Variants in TTC12 observed in about 807,000 individuals in gnomAD.
TTC12 encodes tetratricopeptide repeat protein 12.
Under a neutral mutation model 90.1 loss-of-function variants are expected in TTC12, and 70 were observed. The ratio of observed to expected loss-of-function variants is 0.78; its 90% CI spans 0.64 to 0.95. The LOEUF (loss-of-function observed/expected upper bound fraction) is 0.95, where lower values mean the gene tolerates loss of function less well. TTC12 is among the 40% of genes least tolerant of loss of function. The pLI, the probability that TTC12 is intolerant of heterozygous loss-of-function variation, is 0.00. For synonymous variants in TTC12, 296 were observed against 311.5 expected (o/e 0.95, Z 0.53); for missense variants, 819 against 846.1 (o/e 0.97, Z 0.40).
In TTC12 at chr11:113,344,269, C is replaced by T; in HGVS notation, c.986-3C>T. ...CAAGACACACAACCTCTGTGTTTTG[C>T]AGAGGAAAACCAGCGTGTGCTAGTG... On this transcript the variant is annotated splice_region_variant and splice_polypyrimidine_tract_variant and intron_variant, in intron 12 of 21. Transcript: ENST00000529221. 3 of 1,608,356 alleles carry T rather than the reference C, an allele frequency of 1.9e-6. No individual in the cohort carries two copies. The African/African-American group carries it at 4.0e-5, about 21-fold the overall frequency.
At chr11:113,344,170 T>C (rs1031120136) in intron 12 of TTC12, 102 bp from the exon 13 acceptor site, 109 of 1,290,760 alleles carry the variant, frequency 8.4e-5, no homozygotes, top group Non-Finnish European at 1.1e-4. Context: ...TGCCTTCAAA[T>C]GAGTGGGCAC....
chr11:113,332,429 CCCGCCTGCTGTA>C (rs1948119197), intron 7 of TTC12, among the ~76,000 whole-genome samples: 1 of 152,194 alleles, frequency 6.6e-6, no homozygotes, highest in South Asian at 2.1e-4. Context: ...CTCGGTTTCC[CCCGCCTGCTGTA>C]ACCCCGGTGC....
chr11:113,338,976 T>A, intron 9 of TTC12, 142 bp downstream of exon 9: 1 of 737,262 alleles, frequency 1.4e-6, no homozygotes, highest in Non-Finnish European at 2.3e-6. Flanking sequence ...TCCTCTGTGT[T>A]AACCAGCCCA....
At chr11:113,336,449 T>A (rs1948375421) in intron 8 of TTC12, among the ~76,000 whole-genome samples, 1 of 152,196 alleles carries the variant, frequency 6.6e-6, no homozygotes, top group African/African-American at 2.4e-5. Context: ...TAAGAAAAGA[T>A]CATCTAATCC....
At position 113,358,476 on chromosome 11, in the gene TTC12, G is replaced by T. The variant is rs1208547473; in HGVS notation, c.1447-887G>T. 2.1e-4 allele frequency among the ~76,000 whole-genome samples: 32 copies of T among 152,334 alleles called. 1 individual carries two copies. Among genetic ancestry groups the T allele is most frequent in the Admixed American group, 2.0e-3 (30 of 15,310 alleles). ...GCCCCCAAGACTGCTCAGCAAGCAG[G>T]TGTGGCCTGGCTGGGGCCCCAGGAG... is the stretch of plus-strand genomic sequence containing the variant. On this transcript the variant is annotated intron_variant, in intron 16 of 21. Transcript: ENST00000529221.
At chr11:113,326,138 T>C (rs547428913) in intron 6 of TTC12, among the ~76,000 whole-genome samples, 14 of 152,214 alleles carry the variant, frequency 9.2e-5, no homozygotes, top group Non-Finnish European at 1.8e-4. Context: ...GGATAGCCAA[T>C]GGTCCTGGAG....
intron 16 of TTC12, among the ~76,000 whole-genome samples, chr11:113,355,479 T>G (rs1949580644): frequency 6.6e-6 from 1 of 152,204 alleles, no homozygotes; most frequent in Non-Finnish European, 1.5e-5. Flanking sequence ...TTTTGGTTAT[T>G]TCTTGTCTTC....
intron 13 of TTC12, among the ~76,000 whole-genome samples, chr11:113,345,201 G>A (rs4987094): frequency 0.1 from 15,813 of 152,192 alleles, 1,387 homozygotes; most frequent in East Asian, 0.45. Flanking sequence ...AACAGAAATA[G>A]TGGCAATTAT....
intron 21 of TTC12, among the ~76,000 whole-genome samples, chr11:113,372,560 T>C (rs1950413635): frequency 2.0e-5 from 3 of 152,238 alleles, no homozygotes; most frequent in Admixed American, 6.5e-5. Context: ...CACATTATTG[T>C]ACTTTAACTA....
chr11:113,339,004 C>CA (rs1948535156), intron 9 of TTC12, among the ~76,000 whole-genome samples, 170 bp downstream of exon 9: 1 of 152,204 alleles, frequency 6.6e-6, no homozygotes, highest in Admixed American at 6.5e-5. Context: ...CCTCTGTTTG[C>CA]TGTGCTCCCT....
chr11:113,338,876 T>TC (rs1555144956), intron 9 of TTC12, 42 bp downstream of exon 9: 1 of 1,570,268 alleles, frequency 6.4e-7, no homozygotes, highest in African/African-American at 1.4e-5. Flanking sequence ...GAACTCCACC[T>TC]CCCTCTGCCC....
chr11:113,344,855 A>G (rs1555147594), intron 13 of TTC12, among the ~76,000 whole-genome samples: 1 of 152,230 alleles, frequency 6.6e-6, no homozygotes, highest in Non-Finnish European at 1.5e-5. Flanking sequence ...TTTGTGGAAC[A>G]AGATGGAGTA....
At chr11:113,368,370 G>A, downstream of TTC12, 1 of 1,547,698 alleles carries the variant, frequency 6.5e-7, no homozygotes, top group East Asian at 2.4e-5. Flanking sequence ...GACCTTCCAG[G>A]CAGCATGGAA....
intron 18 of TTC12, among the ~76,000 whole-genome samples, chr11:113,361,893 G>A (rs1369910965): frequency 6.7e-6 from 1 of 150,086 alleles, no homozygotes; most frequent in Non-Finnish European, 1.5e-5. Flanking sequence ...ACTATCATTT[G>A]TATCCTGAGA....
Position 113,320,236 on chromosome 11 carries a change from A to G in TTC12, c.59-3052A>G, listed in dbSNP as rs538980463. On this transcript the variant is annotated intron_variant, in intron 2 of 21. Coordinates refer to ENST00000529221, the MANE Select transcript of TTC12 (RefSeq NM_017868.4). ...CTCAAGCCGGGAGATCTGCAGCGCTAAGTGGAAACAGGCATTTCTGTTTTC... is the reference window on the plus strand; with the variant it reads ...CTCAAGCCGGGAGATCTGCAGCGCTGAGTGGAAACAGGCATTTCTGTTTTC... 5.1e-4 allele frequency among the ~76,000 whole-genome samples: 78 copies of G among 152,232 alleles called. 1 individual carries two copies. Among genetic ancestry groups the G allele is most frequent in the Non-Finnish European group, 2.5e-4 (17 of 67,996 alleles).
chr11:113,317,999 G>A (rs1947051246), intron 2 of TTC12, among the ~76,000 whole-genome samples: 1 of 152,182 alleles, frequency 6.6e-6, no homozygotes, highest in Non-Finnish European at 1.5e-5. Flanking sequence ...AGTGCTTAGG[G>A]TTCTGTGTGT....
At chr11:113,368,300 G>A (rs1022135014), downstream of TTC12, 55 of 1,540,378 alleles carry the variant, frequency 3.6e-5, no homozygotes, top group Non-Finnish European at 4.6e-5. Context: ...TCCCTCTCCA[G>A]TGTGGATCCA....
chr11:113,334,865 A>G, intron 7 of TTC12, 101 bp from the exon 8 acceptor site: 1 of 916,156 alleles, frequency 1.1e-6, no homozygotes, highest in East Asian at 2.7e-5. Flanking sequence ...TTGCCCTGAG[A>G]ATCAAAGTTT....
chr11:113,365,667 G>A (rs1191854778), intron 21 of TTC12: 1 of 173,454 alleles, frequency 5.8e-6, no homozygotes, highest in African/African-American at 2.4e-5. Context: ...CTTCTGATGT[G>A]CAGACGCATC....
Sources: gnomAD v4.1 joint callset for allele counts (sites outside exome capture counted in the v4.1 genomes callset) on GRCh38, gnomAD v4.1.1 for gene constraint, MANE v1.5 for transcripts, NCBI Gene and HGNC (gene_info 2026-07-23, HGNC 2026-07-21) for gene names.